Variants in HIBADH observed in about 807,000 individuals in gnomAD.
HIBADH encodes 3-hydroxyisobutyrate dehydrogenase, mitochondrial.
A neutral mutation model predicts 36.1 loss-of-function variants in HIBADH; 25 were observed. That is an observed-to-expected ratio of 0.69 (90% confidence interval 0.50 to 0.97). The LOEUF is 0.97. Ranked by LOEUF, HIBADH falls within the 50% of genes least tolerant of loss-of-function variation. HIBADH has a pLI of 0.00. For missense variants in HIBADH, 421 were observed against 418.0 expected (o/e 1.01, Z -0.06); for synonymous variants, 160 against 149.5 (o/e 1.07, Z -0.51).
chr7:27,528,060 G>A (rs1301001399), intron 7 of HIBADH, among the ~76,000 whole-genome samples: 3 of 151,660 alleles, frequency 2.0e-5, no homozygotes, highest in African/African-American at 7.3e-5. Context: ...ACTGTGCCCA[G>A]CCGATCAGTG....
chr7:27,527,042 G>T (rs1783912873), intron 7 of HIBADH, among the ~76,000 whole-genome samples: 1 of 87,794 alleles, frequency 1.1e-5, no homozygotes, highest in Non-Finnish European at 2.1e-5. Flanking sequence ...AAGGAAGAAT[G>T]ATCCATCCTG....
Position 27,603,960 on chromosome 7 carries a change from C to G in HIBADH, c.484+25411G>C, listed in dbSNP as rs548854059. ...CCCTTTTCATCCTAGCTCTCACCCCCACACCAACACACATACATAAAATAG... is the reference window on the plus strand; with the variant it reads ...CCCTTTTCATCCTAGCTCTCACCCCGACACCAACACACATACATAAAATAG... On this transcript the variant is annotated intron_variant, in intron 4 of 7. Coordinates refer to ENST00000265395, the MANE Select transcript of HIBADH (RefSeq NM_152740.4). Among the ~76,000 whole-genome samples the G allele has an allele frequency of 5.3e-5, 8 of 152,254 alleles. 1 individual carries two copies. Among genetic ancestry groups the G allele is most frequent in the Admixed American group, 4.6e-4 (7 of 15,282 alleles).
At chr7:27,563,694 T>C (rs529300610) in intron 4 of HIBADH, among the ~76,000 whole-genome samples, 6 of 152,262 alleles carry the variant, frequency 3.9e-5, no homozygotes, top group African/African-American at 1.4e-4. Context: ...GCCAACCATG[T>C]ATTTTCTTTG....
intron 2 of HIBADH, among the ~76,000 whole-genome samples, chr7:27,643,303 G>T (rs914166441): frequency 1.2e-4 from 18 of 152,182 alleles, no homozygotes; most frequent in Non-Finnish European, 2.6e-4. Flanking sequence ...TCACAAAAAA[G>T]GAGAGAATAT....
intron 4 of HIBADH, among the ~76,000 whole-genome samples, chr7:27,548,042 A>C (rs1490599996): frequency 6.6e-6 from 1 of 152,128 alleles, no homozygotes; most frequent in Admixed American, 6.6e-5. Context: ...GCAAATGCCC[A>C]AACTATGCAA....
chr7:27,647,756 G>C, intron 2 of HIBADH: 1 of 381,610 alleles, frequency 2.6e-6, no homozygotes, highest in Non-Finnish European at 5.4e-6. Context: ...AGGTAATTCA[G>C]GCAGAGCATC....
At chr7:27,619,294 T>A (rs1486555893) in intron 4 of HIBADH, among the ~76,000 whole-genome samples, 3 of 152,074 alleles carry the variant, frequency 2.0e-5, no homozygotes, top group African/African-American at 7.2e-5. Context: ...AAACCACAGA[T>A]ACACCTTTAA....
intron 4 of HIBADH, among the ~76,000 whole-genome samples, chr7:27,543,828 C>A (rs1286534149): frequency 6.6e-6 from 1 of 151,894 alleles, no homozygotes; most frequent in Non-Finnish European, 1.5e-5. Context: ...TAGCTTTTAA[C>A]AGAGGCTTAA....
In HIBADH at chr7:27,539,615, C is replaced by T. The variant is rs141302049; in HGVS notation, c.619-1198G>A. On this transcript the variant is annotated intron_variant, in intron 5 of 7. Coordinates refer to ENST00000265395, the MANE Select transcript of HIBADH (RefSeq NM_152740.4). ...ATTTGAAGTCCATGGGTTATTGCTG[C>T]GTGATTGTACTACAAATAGAGAGGA... 7.3e-3 allele frequency among the ~76,000 whole-genome samples: 1,118 copies of T among 152,120 alleles called. 10 individuals carry two copies. The highest frequency in any genetic ancestry group is 0.025 in the African/African-American group (1,032 of 41,476).
At chr7:27,556,852 T>G (rs796642191) in intron 4 of HIBADH, among the ~76,000 whole-genome samples, 1 of 152,332 alleles carries the variant, frequency 6.6e-6, no homozygotes, top group South Asian at 2.1e-4. Flanking sequence ...AAAAATTTTT[T>G]TGGGCAGGTG....
At chr7:27,548,339 G>T (rs1784265471) in intron 4 of HIBADH, among the ~76,000 whole-genome samples, 1 of 152,070 alleles carries the variant, frequency 6.6e-6, no homozygotes. Context: ...GAATGAGGAA[G>T]AAACAATCCT....
chr7:27,613,410 A>G (rs1277504090), intron 4 of HIBADH, among the ~76,000 whole-genome samples: 1 of 150,266 alleles, frequency 6.7e-6, no homozygotes. Flanking sequence ...AAAAAAATAA[A>G]GGTGGTAGGA....
intron 1 of HIBADH, among the ~76,000 whole-genome samples, chr7:27,655,166 T>C (rs1786275389): frequency 6.6e-6 from 1 of 152,122 alleles, no homozygotes; most frequent in South Asian, 2.1e-4. Flanking sequence ...AGTACTAAAG[T>C]GATAGATCAA....
At chr7:27,565,026 C>A (rs1032340551) in intron 4 of HIBADH, among the ~76,000 whole-genome samples, 1 of 152,160 alleles carries the variant, frequency 6.6e-6, no homozygotes, top group Non-Finnish European at 1.5e-5. Flanking sequence ...GAGTAAAAGA[C>A]TAACCTTTAA....
chr7:27,660,703 T>G (rs1036990503), intron 1 of HIBADH, among the ~76,000 whole-genome samples: 2 of 152,110 alleles, frequency 1.3e-5, no homozygotes, highest in African/African-American at 4.8e-5. Flanking sequence ...AAAAATTGCT[T>G]AAGTGATTTA....
At chr7:27,625,403 T>C (rs1448900120) in intron 4 of HIBADH, among the ~76,000 whole-genome samples, 1 of 152,074 alleles carries the variant, frequency 6.6e-6, no homozygotes, top group Non-Finnish European at 1.5e-5. Context: ...ATGCTCATTA[T>C]GGAACATTTC....
chr7:27,620,907 A>G (rs1785530345), intron 4 of HIBADH, among the ~76,000 whole-genome samples: 1 of 152,132 alleles, frequency 6.6e-6, no homozygotes, highest in Non-Finnish European at 1.5e-5. Flanking sequence ...AACTAAACAG[A>G]TTAAATTATC....
chr7:27,575,129 A>G (rs1458684805), intron 4 of HIBADH, among the ~76,000 whole-genome samples: 1 of 152,234 alleles, frequency 6.6e-6, no homozygotes, highest in African/African-American at 2.4e-5. Flanking sequence ...TTAGAAAGCC[A>G]GATACTCTGC....
intron 4 of HIBADH, among the ~76,000 whole-genome samples, chr7:27,621,051 C>G (rs1785533062): frequency 6.6e-6 from 1 of 151,380 alleles, no homozygotes; most frequent in Non-Finnish European, 1.5e-5. Context: ...TCCATGCAAA[C>G]AGAAACCAAT....
Sources: allele counts gnomAD v4.1 joint callset (sites outside exome capture counted in the v4.1 genomes callset), GRCh38; gene constraint gnomAD v4.1.1; transcripts MANE v1.5; gene names NCBI Gene and HGNC (gene_info 2026-07-23, HGNC 2026-07-21).